The following MRC1 variants were observed in gnomAD, a reference collection of about 807,000 sequenced individuals.
MRC1 encodes the protein macrophage mannose receptor 1.
Under a neutral mutation model 102.9 loss-of-function variants are expected in MRC1, and 62 were observed. That is an observed-to-expected ratio of 0.60 (90% CI 0.49 to 0.74). MRC1 has a LOEUF of 0.74. Ranked by LOEUF, MRC1 falls within the 30% of genes least tolerant of loss-of-function variation. The probability of loss-of-function intolerance (pLI) is 0.00; values close to 1 mark genes in which losing one functional copy is unlikely to be tolerated. For missense variants in MRC1, 1,237 were observed against 862.8 expected (o/e 1.43, Z -5.43); for synonymous variants, 457 against 298.4 (o/e 1.53, Z -5.48).
intron 17 of MRC1, among the ~76,000 whole-genome samples, chr10:17,876,877 T>C (rs1833444408): frequency 6.6e-6 from 1 of 152,080 alleles, no homozygotes; most frequent in Non-Finnish European, 1.5e-5. Context: ...ATCTTTCTGA[T>C]TAAAATTCTT....
chr10:17,854,930 A>T (rs1440412278), intron 8 of MRC1: 1 of 152,536 alleles, frequency 6.6e-6, no homozygotes, highest in South Asian at 2.0e-4. Context: ...ACCTCAGGTG[A>T]TCCACCCGCC....
intron 9 of MRC1, among the ~76,000 whole-genome samples, chr10:17,860,963 T>C (rs2130660176): frequency 6.6e-6 from 1 of 152,348 alleles, no homozygotes; most frequent in East Asian, 1.9e-4. Flanking sequence ...TTGTGTTCTT[T>C]AGACATTCCT....
chr10:17,871,029 G>A, intron 14 of MRC1, 94 bp downstream of exon 14: 1 of 787,676 alleles, frequency 1.3e-6, no homozygotes. Context: ...TAATAAGACA[G>A]TTCATTATGA....
chr10:17,829,149 G>C (rs1238440533), intron 3 of MRC1, among the ~76,000 whole-genome samples: 1 of 151,502 alleles, frequency 6.6e-6, no homozygotes, highest in Non-Finnish European at 1.5e-5. Context: ...GGTCTGGGAT[G>C]ATTGTGACAC....
intron 20 of MRC1, 40 bp from the exon 21 acceptor site, chr10:17,881,027 T>G: frequency 1.3e-6 from 1 of 779,744 alleles, no homozygotes; most frequent in Non-Finnish European, 2.4e-6. Context: ...AGTTAACCCC[T>G]GCAGTTTTTC....
intron 23 of MRC1, 119 bp downstream of exon 23, chr10:17,894,431 G>T: frequency 4.8e-6 from 3 of 628,092 alleles, no homozygotes; most frequent in Non-Finnish European, 5.4e-6. Context: ...GCAGAGTCTC[G>T]CTCTGTCGCC....
chr10:17,856,169 CAAAAAAAAAAA>C, intron 8 of MRC1, 62 bp from the exon 9 acceptor site: 2 of 516,890 alleles, frequency 3.9e-6, no homozygotes, highest in Non-Finnish European at 6.7e-6. Flanking sequence ...GACACTGTCT[CAAAAAAAAAAA>C]AAAAAAAAAG....
At chr10:17,854,390 G>A (rs1440502308) in intron 8 of MRC1, among the ~76,000 whole-genome samples, 1 of 152,136 alleles carries the variant, frequency 6.6e-6, no homozygotes, top group Non-Finnish European at 1.5e-5. Context: ...TTTTTATTGT[G>A]ATGGATTGAA....
intron 24 of MRC1, among the ~76,000 whole-genome samples, chr10:17,900,363 G>T (rs1005666068): frequency 5.3e-5 from 8 of 152,020 alleles, no homozygotes; most frequent in Admixed American, 5.2e-4. Flanking sequence ...GATATGAAGA[G>T]ATGAGCATTT....
At chr10:17,872,585 A>T (rs1189154093) in intron 15 of MRC1, among the ~76,000 whole-genome samples, 1 of 152,210 alleles carries the variant, frequency 6.6e-6, no homozygotes, top group African/African-American at 2.4e-5. Context: ...ATCACCCTGG[A>T]GTGGCCTCTG....
At chr10:17,816,923 T>C (rs1297298113) in intron 1 of MRC1, among the ~76,000 whole-genome samples, 18 of 152,100 alleles carry the variant, frequency 1.2e-4, no homozygotes, top group African/African-American at 4.1e-4. Flanking sequence ...AATGACTTGT[T>C]CAATGTTGCG....
intron 22 of MRC1, 45 bp downstream of exon 22, chr10:17,885,480 C>T: frequency 1.3e-6 from 1 of 777,566 alleles, no homozygotes; most frequent in East Asian, 2.4e-5. Flanking sequence ...CATCAGCTTG[C>T]ACAGGGTTAT....
At chr10:17,863,411 A>T (rs1833213874) in intron 10 of MRC1, 123 bp from the exon 11 acceptor site, 7 of 716,528 alleles carry the variant, frequency 9.8e-6, no homozygotes, top group Non-Finnish European at 1.8e-5. Flanking sequence ...AACACAATAT[A>T]TTTGAATTAC....
chr10:17,855,200 G>A (rs1402719724), intron 8 of MRC1, among the ~76,000 whole-genome samples: 1 of 152,132 alleles, frequency 6.6e-6, no homozygotes, highest in Non-Finnish European at 1.5e-5. Context: ...TTGGTGTGTT[G>A]GGTGCAGGAG....
At chr10:17,838,444 A>G (rs1838701867) in intron 4 of MRC1, among the ~76,000 whole-genome samples, 2 of 152,086 alleles carry the variant, frequency 1.3e-5, no homozygotes, top group Non-Finnish European at 1.5e-5. Flanking sequence ...TATGTGCAGG[A>G]TGAGGATTTA....
chr10:17,836,820 G>A (rs954473788), intron 4 of MRC1, among the ~76,000 whole-genome samples: 7 of 151,772 alleles, frequency 4.6e-5, no homozygotes, highest in African/African-American at 1.7e-4. Context: ...TGGGCAACAA[G>A]AGTGAAACTC....
chr10:17,833,840 G>T lies in MRC1; in HGVS notation c.802+1G>T. 1.3e-6 allele frequency: 1 copy of T among 780,796 alleles called. No homozygotes were observed. Among genetic ancestry groups the T allele is most frequent in the Middle Eastern group, 2.3e-4 (1 of 4,438 alleles). 48.4% of individuals were successfully genotyped at this position (780,796 alleles called of 1,614,324 possible). ...ATTCATGAGCAAACATACCTGACAG[G>T]TAAGGACATGAAAAGTCTCAAGTAA... On this transcript the variant is annotated splice_donor_variant, in intron 4 of 29. Coordinates refer to ENST00000569591, the MANE Select transcript of MRC1 (RefSeq NM_002438.4). LOFTEE classifies it high-confidence loss of function.
chr10:17,893,459 C>A (rs1225339179), intron 22 of MRC1, among the ~76,000 whole-genome samples: 3 of 152,116 alleles, frequency 2.0e-5, no homozygotes, highest in Non-Finnish European at 4.4e-5. Context: ...GCCTGGCCTT[C>A]TCTTACTTTA....
At chr10:17,903,385 T>G (rs1314740698) in intron 26 of MRC1, among the ~76,000 whole-genome samples, 2 of 141,294 alleles carry the variant, frequency 1.4e-5, no homozygotes, top group Non-Finnish European at 3.1e-5. Flanking sequence ...TTCTTTTCTT[T>G]TTTTTTCTTT....
Sources: gnomAD v4.1 joint callset for allele counts (sites outside exome capture counted in the v4.1 genomes callset) on GRCh38, gnomAD v4.1.1 for gene constraint, MANE v1.5 for transcripts, NCBI Gene and HGNC (gene_info 2026-07-23, HGNC 2026-07-21) for gene names.